Variants in RHO observed in about 807,000 individuals in gnomAD.
The protein encoded by RHO is rhodopsin.
A neutral mutation model predicts 31.2 loss-of-function variants in RHO; 21 were observed. That is an observed-to-expected ratio of 0.67 (90% confidence interval 0.48 to 0.97). The LOEUF (loss-of-function observed/expected upper bound fraction) is 0.97, where lower values mean the gene tolerates loss of function less well. Ranked by LOEUF, RHO falls within the 50% of genes least tolerant of loss-of-function variation. RHO has a pLI of 0.00. For missense variants in RHO, 414 were observed against 479.5 expected (o/e 0.86, Z 1.28); for synonymous variants, 211 against 196.6 (o/e 1.07, Z -0.61).
rs1341056779 is a variant in RHO, at chr3:129,529,023, C to T, written c.290C>T (p.Thr97Ile). The change falls in exon 1 of 5, where the codon ACC (threonine) becomes ATC (isoleucine). Residue 97 changes from threonine to isoleucine, a missense_variant. Physicochemically the swap from Thr to Ile is moderately conservative, Grantham distance 89 (BLOSUM62 -1). Coordinates refer to ENST00000296271, the MANE Select transcript of RHO (RefSeq NM_000539.3). ...VLGGFTSTLYTSLHGYFVFGP... is the reference protein window; with the variant it reads ...VLGGFTSTLYISLHGYFVFGP... Reference sequence around the variant, plus strand: ...GGTGGCTTCACCAGCACCCTCTACACCTCTCTGCATGGATACTTCGTCTTC... The same window carrying T: ...GGTGGCTTCACCAGCACCCTCTACATCTCTCTGCATGGATACTTCGTCTTC... The T allele has an allele frequency of 6.2e-7, 1 of 1,614,100 alleles. No individual in the cohort carries two copies. The highest frequency in any genetic ancestry group is 8.5e-7 in the Non-Finnish European group (1 of 1,180,042).
chr3:129,533,639 G>A lies in RHO; in HGVS notation c.968G>A (p.Cys323Tyr), dbSNP rs1251916916. ...AACTGCATGCTCACCACCATCTGCT[G>A]CGGCAAGAACCCACTGGGTGACGAT... ...FRNCMLTTIC[C>Y]GKNPLGDDEA... Residue 323 changes from cysteine (C) to tyrosine (Y), a missense_variant, in exon 5 of 5, where the codon TGC becomes TAC. Physicochemically the swap from Cys to Tyr is radical, Grantham distance 194. Coordinates refer to ENST00000296271, the MANE Select transcript of RHO (RefSeq NM_000539.3). 1.9e-6 allele frequency: 3 copies of A among 1,614,078 alleles called. No individual in the cohort carries two copies. The highest frequency in any genetic ancestry group is 2.7e-5 in the African/African-American group (2 of 75,026).
At chr3:129,530,712 C>T (rs1238160463) in intron 1 of RHO, among the ~76,000 whole-genome samples, 164 bp from the exon 2 acceptor site, 1 of 152,190 alleles carries the variant, frequency 6.6e-6, no homozygotes, top group Non-Finnish European at 1.5e-5. Flanking sequence ...TCCCTCTGCC[C>T]CTTCCCCCTC....
rs1289056583 is a variant in RHO, at chr3:129,528,707, C to T, written c.-27C>T. ...CGCAGCATTCTTGGGTGGGAGCAGC[C>T]ACGGGTCAGCCACAAGGGCCACAGC... On this transcript the variant is annotated 5_prime_UTR_variant, in exon 1 of 5. Transcript: ENST00000296271. 9.9e-6 allele frequency: 16 copies of T among 1,613,710 alleles called. No individual in the cohort carries two copies. Among genetic ancestry groups the T allele is most frequent in the Admixed American group, 1.7e-5 (1 of 60,008 alleles).
intron 1 of RHO, 51 bp from the exon 2 acceptor site, chr3:129,530,824 AC>A: frequency 6.2e-7 from 1 of 1,611,258 alleles, no homozygotes. Context: ...GGGGGAGTGC[AC>A]CCTCCTTAGG....
At position 129,528,913 on chromosome 3, in the gene RHO, C is replaced by T. The variant is rs527236101; in HGVS notation, c.180C>T (p.Tyr60=). The change falls in exon 1 of 5, where the codon TAC becomes TAT. Residue 60 remains tyrosine (Y), a synonymous_variant. Coordinates refer to ENST00000296271, the MANE Select transcript of RHO (RefSeq NM_000539.3). ...TCCCCATCAACTTCCTCACGCTCTA[C>T]GTCACCGTCCAGCACAAGAAGCTGC... ...LGFPINFLTL[Y]VTVQHKKLRT... 4 of 1,614,264 alleles carry T rather than the reference C, an allele frequency of 2.5e-6. No individual in the cohort carries two copies. Among genetic ancestry groups the T allele is most frequent in the South Asian group, 1.1e-5 (1 of 91,086 alleles).
Position 129,534,016 on chromosome 3 carries a change from T to G in RHO, c.*298T>G. 2.6e-6 allele frequency: 1 copy of G among 381,238 alleles called. No individual in the cohort carries two copies. Among genetic ancestry groups the G allele is most frequent in the Non-Finnish European group, 4.9e-6 (1 of 202,982 alleles). The allele number at this position is 381,238 out of a possible 1,614,324, so 23.6% of individuals were successfully genotyped here. A position where few individuals can be genotyped will look rare whatever the true frequency, so the allele number is the denominator to read the frequency against. ...TTTCAGGAACACGAGGATTCTTGCT[T>G]TCTGGAAAAGTGTCCCAGCTTAGGG... On this transcript the variant is annotated 3_prime_UTR_variant, in exon 5 of 5. Coordinates refer to ENST00000296271, the MANE Select transcript of RHO (RefSeq NM_000539.3).
At chr3:129,529,128 C>G (rs767646428) in intron 1 of RHO, 34 bp downstream of exon 1, 1 of 1,598,482 alleles carries the variant, frequency 6.3e-7, no homozygotes, top group African/African-American at 1.3e-5. Context: ...TGTGCAGGAG[C>G]CCGGGAGCAT....
rs1487459358 is a variant in RHO at position 129,534,003 on chromosome 3, G to A, written c.*285G>A. 2.0e-5 allele frequency: 8 copies of A among 399,432 alleles called. No homozygotes were observed. The highest frequency in any genetic ancestry group is 6.1e-5 in the African/African-American group (3 of 49,470). 24.7% of individuals were successfully genotyped at this position (399,432 alleles called of 1,614,324 possible). On this transcript the variant is annotated 3_prime_UTR_variant, in exon 5 of 5. Transcript: ENST00000296271. ...CTCCCAACTCATCTTTCAGGAACAC[G>A]AGGATTCTTGCTTTCTGGAAAAGTG...
rs1294460125 is a variant in RHO, at chr3:129,532,942, C to T, written c.936+170C>T. Among the ~76,000 whole-genome samples, 1 of 152,198 alleles carries T rather than the reference C, an allele frequency of 6.6e-6. No homozygotes were observed. The highest frequency in any genetic ancestry group is 6.5e-5 in the Admixed American group (1 of 15,290). On this transcript the variant is annotated intron_variant, in intron 4 of 4. Coordinates refer to ENST00000296271, the MANE Select transcript of RHO (RefSeq NM_000539.3). The surrounding 1 kb of genome is among the most constrained non-coding windows in gnomAD (Gnocchi z 5.5). Reference sequence around the variant, plus strand: ...TGAGAAATGCAGATTCCTGGCCCCACTCAGAACTGCTGAATCTCAGGGTGG... The same window carrying T: ...TGAGAAATGCAGATTCCTGGCCCCATTCAGAACTGCTGAATCTCAGGGTGG...
chr3:129,528,914 G>A lies in RHO; in HGVS notation c.181G>A (p.Val61Ile), dbSNP rs776504351. The A allele has an allele frequency of 8.7e-6, 14 of 1,614,180 alleles. No homozygotes were observed. The highest frequency in any genetic ancestry group is 2.2e-5 in the East Asian group (1 of 44,886). The change falls in exon 1 of 5, where the codon GTC (valine) becomes ATC (isoleucine). Residue 61 changes from valine to isoleucine, a missense_variant. Val to Ile is a conservative substitution (Grantham distance 29). Coordinates refer to ENST00000296271, the MANE Select transcript of RHO (RefSeq NM_000539.3). ...CCCCATCAACTTCCTCACGCTCTAC[G>A]TCACCGTCCAGCACAAGAAGCTGCG... The part of the protein sequence containing the change: ...GFPINFLTLY[V>I]TVQHKKLRTP...
rs55941599 is a variant in RHO, at chr3:129,534,031, C to T, written c.*313C>T. On this transcript the variant is annotated 3_prime_UTR_variant, in exon 5 of 5. Transcript: ENST00000296271. The stretch of plus-strand genomic sequence containing the variant: ...GATTCTTGCTTTCTGGAAAAGTGTC[C>T]CAGCTTAGGGATAAGTGTCTAGCAC... The T allele has an allele frequency of 0.028, 9,875 of 358,378 alleles. 179 individuals are homozygous for T. Among genetic ancestry groups the T allele is most frequent in the Non-Finnish European group, 0.035 (6,620 of 188,336 alleles). The allele number at this position is 358,378 out of a possible 1,614,324, so 22.2% of individuals were successfully genotyped here.
At position 129,530,967 on chromosome 3, in the gene RHO, C is replaced by T. The variant is rs2108749959; in HGVS notation, c.453C>T (p.Asn151=). Residue 151 remains asparagine (N), a synonymous_variant, in exon 2 of 5, where the codon AAC becomes AAT. Coordinates refer to ENST00000296271, the MANE Select transcript of RHO (RefSeq NM_000539.3). ...KPMSNFRFGE[N]HAIMGVAFTW... is the part of the protein sequence containing the mutation. ...TGAGCAACTTCCGCTTCGGGGAGAA[C>T]CATGCCATCATGGGCGTTGCCTTCA... is the stretch of plus-strand genomic sequence containing the variant. 1 of 1,614,264 alleles carries T rather than the reference C, an allele frequency of 6.2e-7. No homozygotes were observed. Among genetic ancestry groups the T allele is most frequent in the Non-Finnish European group, 8.5e-7 (1 of 1,180,052 alleles).
chr3:129,529,125 G>A (rs751894032), intron 1 of RHO, 31 bp downstream of exon 1: 1 of 1,599,752 alleles, frequency 6.3e-7, no homozygotes. Context: ...GGGTGTGCAG[G>A]AGCCCGGGAG....
chr3:129,533,186 C>T (rs1379174415), intron 4 of RHO, among the ~76,000 whole-genome samples: 1 of 152,242 alleles, frequency 6.6e-6, no homozygotes, highest in Non-Finnish European at 1.5e-5. Context: ...GAGGTACCTC[C>T]GAGGGGTAAA....
intron 1 of RHO, 28 bp from the exon 2 acceptor site, chr3:129,530,848 T>G: frequency 6.2e-7 from 1 of 1,614,202 alleles, no homozygotes; most frequent in Non-Finnish European, 8.5e-7. Context: ...GTGGGGTCTG[T>G]GCTGACCGCC....
Position 129,528,770 on chromosome 3 carries a change from T to C in RHO, c.37T>C (p.Phe13Leu). Residue 13 changes from phenylalanine (F) to leucine (L), a missense_variant, in exon 1 of 5, where the codon TTC (phenylalanine) becomes CTC (leucine). Physicochemically the swap from Phe to Leu is conservative, Grantham distance 22 (BLOSUM62 0). Transcript: ENST00000296271. ...AGAAGGCCCTAACTTCTACGTGCCC[T>C]TCTCCAATGCGACGGGTGTGGTACG... is the stretch of plus-strand genomic sequence containing the variant. ...GTEGPNFYVPFSNATGVVRSP... is the reference protein window; with the variant it reads ...GTEGPNFYVPLSNATGVVRSP... 6.2e-7 allele frequency: 1 copy of C among 1,614,210 alleles called. No individual in the cohort carries two copies.
Position 129,533,891 on chromosome 3 carries a change from G to A in RHO, c.*173G>A, listed in dbSNP as rs2084803374. On this transcript the variant is annotated 3_prime_UTR_variant, in exon 5 of 5. Transcript: ENST00000296271. ...AATTAATGAGGCTCCTCACTCACCTGGGACAGCCTGAGAAGGGACATCCAC... is the reference window on the plus strand; with the variant it reads ...AATTAATGAGGCTCCTCACTCACCTAGGACAGCCTGAGAAGGGACATCCAC... 1 of 570,908 alleles carries A rather than the reference G, an allele frequency of 1.8e-6. No individual in the cohort carries two copies. Among genetic ancestry groups the A allele is most frequent in the African/African-American group, 1.9e-5 (1 of 53,060 alleles). The allele number at this position is 570,908 out of a possible 1,614,324, so 35.4% of individuals were successfully genotyped here.
intron 1 of RHO, among the ~76,000 whole-genome samples, chr3:129,530,531 ACAACAC>A (rs1246741626): frequency 6.3e-5 from 7 of 110,640 alleles, no homozygotes; most frequent in Middle Eastern, 4.5e-3. Flanking sequence ...ACACACACAC[ACAACAC>A]ACACACACAC....
chr3:129,532,123 T>G lies in RHO; in HGVS notation c.531-128T>G. On this transcript the variant is annotated intron_variant, in intron 2 of 4. Transcript: ENST00000296271. The surrounding 1 kb of genome is among the most constrained non-coding windows in gnomAD (Gnocchi z 5.5). ...TCCATTCCATCCTGTCACCCAGCCA[T>G]GCAGACGTTTATGATCCCCTTTTCC... 1.4e-6 allele frequency: 1 copy of G among 720,278 alleles called. No individual in the cohort carries two copies. Among genetic ancestry groups the G allele is most frequent in the Non-Finnish European group, 2.5e-6 (1 of 403,394 alleles). The allele number at this position is 720,278 out of a possible 1,614,324, so 44.6% of individuals were successfully genotyped here.
Sources: allele counts gnomAD v4.1 joint callset (sites outside exome capture counted in the v4.1 genomes callset), GRCh38; gene constraint gnomAD v4.1.1; non-coding constraint Gnocchi (gnomAD v3.1); transcripts MANE v1.5; gene names NCBI Gene and HGNC (gene_info 2026-07-23, HGNC 2026-07-21).